Variants in PRMT3 observed in about 807,000 individuals in gnomAD.
The protein encoded by PRMT3 is protein arginine N-methyltransferase 3.
PRMT3 carries 62 observed loss-of-function variants against 71.9 expected under a neutral mutation model. The observed-to-expected ratio is 0.86, with a 90% CI of 0.70 to 1.07. PRMT3 has a LOEUF of 1.07. Ranked by LOEUF, PRMT3 falls within the 50% of genes least tolerant of loss-of-function variation. The pLI, the probability that PRMT3 is intolerant of heterozygous loss-of-function variation, is 0.00. For missense variants in PRMT3, 663 were observed against 643.0 expected (o/e 1.03, Z -0.34); for synonymous variants, 213 against 220.4 (o/e 0.97, Z 0.30).
At chr11:20,425,300 A>G (rs1849522918) in intron 9 of PRMT3, among the ~76,000 whole-genome samples, 1 of 152,220 alleles carries the variant, frequency 6.6e-6, no homozygotes, top group Admixed American at 6.5e-5. Flanking sequence ...AGTGATTATT[A>G]ACAAGGATGT....
rs1025848858 is a variant in PRMT3, at chr11:20,390,274, C to T, written c.247+448C>T. Among the ~76,000 whole-genome samples the T allele has an allele frequency of 4.6e-5, 7 of 152,094 alleles. No individual in the cohort carries two copies. In the South Asian group the frequency reaches 6.2e-4, roughly 14 times the overall value. On this transcript the variant is annotated intron_variant, in intron 3 of 15. Transcript: ENST00000331079. The stretch of plus-strand genomic sequence containing the variant: ...GTGGAAATGGAGTTTTTTTGACAAG[C>T]GGTCCTTGAGAAAAGATGAATAAGT...
intron 13 of PRMT3, among the ~76,000 whole-genome samples, chr11:20,466,967 C>T (rs1463777134): frequency 2.0e-5 from 3 of 151,996 alleles, no homozygotes; most frequent in African/African-American, 7.3e-5. Context: ...CATTTTTAGT[C>T]GCAACTTGCC....
Position 20,449,108 on chromosome 11 carries a change from A to T in PRMT3, c.994-3022A>T, listed in dbSNP as rs1850093330. On this transcript the variant is annotated intron_variant, in intron 10 of 15. Coordinates refer to ENST00000331079, the MANE Select transcript of PRMT3 (RefSeq NM_005788.4). Reference sequence around the variant, plus strand: ...CGTAAAATGAAGTTTAGCAAAGTGGAAAGTTGAGAGAAAGGACAATGACCA... The same window carrying T: ...CGTAAAATGAAGTTTAGCAAAGTGGTAAGTTGAGAGAAAGGACAATGACCA... 2.0e-5 allele frequency among the ~76,000 whole-genome samples: 3 copies of T among 152,188 alleles called. 1 individual carries two copies. In the South Asian group the frequency reaches 6.2e-4, roughly 31 times the overall value.
At position 20,402,963 on chromosome 11, in the gene PRMT3, T is replaced by C. The variant is rs1394043597; in HGVS notation, c.750T>C (p.Asn250=). Residue 250 remains asparagine, a synonymous_variant, in exon 8 of 16, where the codon AAT becomes AAC. Transcript: ENST00000331079. The part of the protein sequence containing the change: ...TESYRDFIYQ[N]PHIFKDKVVL... Reference sequence around the variant, plus strand: ...GCTACCGAGATTTCATATACCAAAATCCACATATCTTCAAAGACAAGGTAA... The same window carrying C: ...GCTACCGAGATTTCATATACCAAAACCCACATATCTTCAAAGACAAGGTAA... The C allele has an allele frequency of 6.2e-7, 1 of 1,604,760 alleles. No homozygotes were observed. The highest frequency in any genetic ancestry group is 8.5e-7 in the Non-Finnish European group (1 of 1,171,658).
chr11:20,477,599 G>A (rs914044058), intron 13 of PRMT3, among the ~76,000 whole-genome samples: 9 of 152,112 alleles, frequency 5.9e-5, no homozygotes, highest in African/African-American at 1.9e-4. Flanking sequence ...TGAGTCATCT[G>A]TTCTTGACGG....
intron 10 of PRMT3, among the ~76,000 whole-genome samples, chr11:20,449,219 T>G (rs1187202283): frequency 1.3e-5 from 2 of 152,198 alleles, no homozygotes; most frequent in Non-Finnish European, 2.9e-5. Flanking sequence ...GTTCTATATA[T>G]ATGCTAGTAT....
At chr11:20,484,819 G>A (rs1345072793) in intron 13 of PRMT3, among the ~76,000 whole-genome samples, 3 of 152,068 alleles carry the variant, frequency 2.0e-5, no homozygotes, top group South Asian at 2.1e-4. Flanking sequence ...CCCTTTTGCC[G>A]AAAACAGCTA....
At chr11:20,453,985 A>T (rs1490122297) in intron 11 of PRMT3, among the ~76,000 whole-genome samples, 2 of 152,176 alleles carry the variant, frequency 1.3e-5, no homozygotes, top group Non-Finnish European at 2.9e-5. Flanking sequence ...ATAAACTGTA[A>T]CATTTAATGA....
intron 9 of PRMT3, among the ~76,000 whole-genome samples, chr11:20,421,415 A>G (rs773602752): frequency 3.3e-5 from 5 of 152,152 alleles, no homozygotes; most frequent in Non-Finnish European, 2.9e-5. Flanking sequence ...CACCCTGGGG[A>G]TGAACATCCC....
intron 3 of PRMT3, among the ~76,000 whole-genome samples, chr11:20,391,350 A>G (rs1231828092): frequency 1.3e-5 from 2 of 151,722 alleles, no homozygotes; most frequent in African/African-American, 4.8e-5. Flanking sequence ...GGTTCAAGTG[A>G]TTCTCCTGCC....
chr11:20,472,739 G>A (rs545607851), intron 13 of PRMT3, among the ~76,000 whole-genome samples: 1 of 152,140 alleles, frequency 6.6e-6, no homozygotes, highest in South Asian at 2.1e-4. Context: ...AACAAGTAGG[G>A]AGGAGTTCCT....
At chr11:20,403,209 G>A (rs1295833571) in intron 8 of PRMT3, among the ~76,000 whole-genome samples, 5 of 152,128 alleles carry the variant, frequency 3.3e-5, no homozygotes, top group Non-Finnish European at 5.9e-5. Flanking sequence ...TTACAATGGC[G>A]TAACTTAGTT....
At chr11:20,424,426 C>T (rs939607916) in intron 9 of PRMT3, among the ~76,000 whole-genome samples, 3 of 152,140 alleles carry the variant, frequency 2.0e-5, no homozygotes, top group Non-Finnish European at 2.9e-5. Context: ...AAAGTAATTC[C>T]GTAAGTTAGT....
chr11:20,453,495 A>G (rs1312156588), intron 11 of PRMT3, among the ~76,000 whole-genome samples: 2 of 151,780 alleles, frequency 1.3e-5, no homozygotes, highest in Admixed American at 1.3e-4. Flanking sequence ...AAAAAAAAAA[A>G]ATCAGTAAGG....
chr11:20,398,248 T>C (rs1848874502), intron 7 of PRMT3, among the ~76,000 whole-genome samples: 3 of 152,244 alleles, frequency 2.0e-5, no homozygotes, highest in South Asian at 4.1e-4. Flanking sequence ...ATACTGACTT[T>C]TGTTTGGGCC....
intron 11 of PRMT3, among the ~76,000 whole-genome samples, chr11:20,454,014 C>T (rs10833328): frequency 0.75 from 113,736 of 152,016 alleles, 43,594 homozygotes; most frequent in Non-Finnish European, 0.85. Context: ...CAACATTATA[C>T]ATCATTTGTT....
At chr11:20,444,670 T>C (rs1038308379) in intron 10 of PRMT3, among the ~76,000 whole-genome samples, 1 of 152,198 alleles carries the variant, frequency 6.6e-6, no homozygotes, top group Non-Finnish European at 1.5e-5. Flanking sequence ...TGGCCCAGCA[T>C]GTGGTCTCTC....
intron 10 of PRMT3, among the ~76,000 whole-genome samples, chr11:20,447,892 C>T (rs1850066160): frequency 6.6e-6 from 1 of 151,836 alleles, no homozygotes. Flanking sequence ...TTTTTCTATG[C>T]AAACAAAAGT....
chr11:20,407,628 A>T, intron 8 of PRMT3: 1 of 214,770 alleles, frequency 4.7e-6, no homozygotes, highest in Non-Finnish European at 9.4e-6. Flanking sequence ...TTATTTCTTC[A>T]GTGGATATCA....
Sources: gnomAD v4.1 joint callset for allele counts (sites outside exome capture counted in the v4.1 genomes callset) on GRCh38, gnomAD v4.1.1 for gene constraint, MANE v1.5 for transcripts, NCBI Gene and HGNC (gene_info 2026-07-23, HGNC 2026-07-21) for gene names.